SNTG1: variants seen among roughly 807,000 people sequenced by gnomAD.
SNTG1 encodes the protein gamma-1-syntrophin.
A neutral mutation model predicts 74.7 loss-of-function variants in SNTG1; 39 were observed. The ratio of observed to expected loss-of-function variants is 0.52; its 90% CI spans 0.40 to 0.68. The LOEUF is 0.68. Among genes scored for constraint, SNTG1 ranks in the 30% least tolerant of loss-of-function variants. The pLI, the probability that SNTG1 is intolerant of heterozygous loss-of-function variation, is 0.00. For synonymous variants in SNTG1, 254 were observed against 217.1 expected, an observed-to-expected ratio of 1.17 and a Z score of -1.49; for missense variants, 685 against 609.5, an observed-to-expected ratio of 1.12 and a Z score of -1.30.
In SNTG1 at chr8:50,003,536, C is replaced by T. The variant is rs368068270; in HGVS notation, c.-103+91305C>T. Among the ~76,000 whole-genome samples the T allele has an allele frequency of 2.4e-4, 37 of 152,136 alleles. No homozygotes were observed. In the East Asian group the frequency reaches 5.2e-3, roughly 21 times the overall value. ...TTAAATTTAAGAATAGAAGGCAATG[C>T]ATTTTAAATGTTGATGTAATTATGG... On this transcript the variant is annotated intron_variant, in intron 1 of 18. Coordinates refer to ENST00000642720, the MANE Select transcript of SNTG1 (RefSeq NM_018967.5).
At chr8:50,659,055 G>A (rs1006188960) in intron 15 of SNTG1, among the ~76,000 whole-genome samples, 2 of 152,046 alleles carry the variant, frequency 1.3e-5, no homozygotes, top group African/African-American at 2.4e-5. Context: ...AGATTTGGGT[G>A]AGACCTGGAA....
intron 17 of SNTG1, among the ~76,000 whole-genome samples, chr8:50,715,678 A>T (rs535054982): frequency 6.6e-6 from 1 of 152,254 alleles, no homozygotes; most frequent in East Asian, 1.9e-4. Flanking sequence ...AAGCATTGTT[A>T]TGGAGGATGT....
intron 1 of SNTG1, among the ~76,000 whole-genome samples, chr8:49,966,962 AG>A (rs1233512095): frequency 6.6e-6 from 1 of 152,168 alleles, no homozygotes; most frequent in African/African-American, 2.4e-5. Flanking sequence ...TTTGCTAGCA[AG>A]ATTTTTTTCA....
chr8:50,111,093 G>A (rs1035447558), intron 1 of SNTG1, among the ~76,000 whole-genome samples: 3 of 152,026 alleles, frequency 2.0e-5, no homozygotes, highest in Admixed American at 2.0e-4. Flanking sequence ...CCAGATCCCA[G>A]GAAGATTTAC....
intron 2 of SNTG1, among the ~76,000 whole-genome samples, chr8:50,321,584 T>C (rs1197566861): frequency 1.3e-5 from 2 of 151,804 alleles, no homozygotes; most frequent in East Asian, 3.9e-4. Flanking sequence ...TGTTTTCTTG[T>C]TTTGTGGTCT....
At chr8:50,227,860 T>C (rs1186302785) in intron 2 of SNTG1, among the ~76,000 whole-genome samples, 1 of 150,760 alleles carries the variant, frequency 6.6e-6, no homozygotes, top group Non-Finnish European at 1.5e-5. Context: ...GTCTATTTCA[T>C]CTTTAGTTTA....
chr8:50,257,339 A>T (rs1017773451), intron 2 of SNTG1, among the ~76,000 whole-genome samples: 4 of 152,162 alleles, frequency 2.6e-5, no homozygotes, highest in African/African-American at 9.7e-5. Flanking sequence ...TGCCATTTAC[A>T]TCTAGCACCC....
At chr8:50,165,032 A>T (rs2082564364) in intron 1 of SNTG1, among the ~76,000 whole-genome samples, 1 of 152,198 alleles carries the variant, frequency 6.6e-6, no homozygotes, top group Admixed American at 6.5e-5. Flanking sequence ...CCCCAGCAGG[A>T]AAAATAATCT....
chr8:50,381,836 T>TATTATATATATATATTTTA (rs1251572214), intron 2 of SNTG1: 2 of 98,938 alleles, frequency 2.0e-5, no homozygotes, highest in Admixed American at 1.0e-4. Flanking sequence ...TATATATATA[T>TATTATATATATATATTTTA]TATATATATA....
chr8:50,749,011 G>T (rs1016584010), intron 17 of SNTG1, among the ~76,000 whole-genome samples: 1 of 151,980 alleles, frequency 6.6e-6, no homozygotes, highest in African/African-American at 2.4e-5. Flanking sequence ...AAATGATTAC[G>T]CTTGGTGAGA....
intron 8 of SNTG1, among the ~76,000 whole-genome samples, chr8:50,452,406 T>G (rs1208709053): frequency 6.6e-6 from 1 of 152,222 alleles, no homozygotes; most frequent in African/African-American, 2.4e-5. Flanking sequence ...CAAAGCTGCT[T>G]GTAACTTGAC....
intron 1 of SNTG1, among the ~76,000 whole-genome samples, chr8:50,071,481 A>G (rs760554435): frequency 4.6e-5 from 7 of 152,046 alleles, no homozygotes; most frequent in Non-Finnish European, 7.4e-5. Flanking sequence ...ATACATATAC[A>G]TATTTATTTA....
intron 10 of SNTG1, among the ~76,000 whole-genome samples, chr8:50,532,359 G>A (rs566161003): frequency 6.6e-6 from 1 of 152,282 alleles, no homozygotes; most frequent in African/African-American, 2.4e-5. Context: ...ACTTTGGGGA[G>A]CTGTTAATTA....
intron 1 of SNTG1, among the ~76,000 whole-genome samples, chr8:49,989,704 T>C (rs1203681311): frequency 6.6e-6 from 1 of 151,916 alleles, no homozygotes; most frequent in Non-Finnish European, 1.5e-5. Context: ...CTTGGTTAAA[T>C]ACTAATGAAT....
intron 1 of SNTG1, among the ~76,000 whole-genome samples, chr8:50,020,791 C>T (rs1389302442): frequency 6.6e-6 from 1 of 152,110 alleles, no homozygotes; most frequent in Non-Finnish European, 1.5e-5. Flanking sequence ...CGATCCAATG[C>T]ACCTTGGATT....
At chr8:50,127,648 G>A (rs1205524850) in intron 1 of SNTG1, among the ~76,000 whole-genome samples, 1 of 152,128 alleles carries the variant, frequency 6.6e-6, no homozygotes, top group South Asian at 2.1e-4. Context: ...AAGACATTTA[G>A]TCAGTTTTCT....
chr8:50,528,475 A>G (rs999035154), intron 9 of SNTG1, among the ~76,000 whole-genome samples: 1 of 151,906 alleles, frequency 6.6e-6, no homozygotes, highest in African/African-American at 2.4e-5. Context: ...TGAATGTAAA[A>G]CCAAGCTTGC....
chr8:50,688,228 T>C (rs1413857054), intron 15 of SNTG1, among the ~76,000 whole-genome samples: 1 of 152,218 alleles, frequency 6.6e-6, no homozygotes, highest in Non-Finnish European at 1.5e-5. Flanking sequence ...CTGATGGTAG[T>C]TTCTTTTGCT....
chr8:50,313,085 T>C (rs1350387034), intron 2 of SNTG1, among the ~76,000 whole-genome samples: 1 of 149,866 alleles, frequency 6.7e-6, no homozygotes, highest in African/African-American at 2.5e-5. Context: ...CTGCAATAGA[T>C]GCTGTTAGGA....
Sources: gnomAD v4.1 joint callset for allele counts (sites outside exome capture counted in the v4.1 genomes callset) on GRCh38, gnomAD v4.1.1 for gene constraint, MANE v1.5 for transcripts, NCBI Gene and HGNC (gene_info 2026-07-23, HGNC 2026-07-21) for gene names.